The following ZNF385D variants were observed in gnomAD, a reference collection of about 807,000 sequenced individuals.
The protein encoded by ZNF385D is zinc finger protein 659.
A neutral mutation model predicts 35.8 loss-of-function variants in ZNF385D; 15 were observed. The observed-to-expected ratio is 0.42, with a 90% CI of 0.28 to 0.64. The LOEUF is 0.64. Among genes scored for constraint, ZNF385D ranks in the 30% least tolerant of loss-of-function variants. The pLI is 0.23. For synonymous variants in ZNF385D, 212 were observed against 186.8 expected (o/e 1.13, Z -1.10); for missense variants, 474 against 494.6 (o/e 0.96, Z 0.39).
intron 3 of ZNF385D, chr3:21,978,234 G>C (rs1288277029): frequency 6.6e-6 from 1 of 152,204 alleles, no homozygotes; most frequent in African/African-American, 2.4e-5. Context: ...CTTGAGAGCA[G>C]TGTCTGTTTC....
chr3:22,274,566 A>T (rs192168355), intron 2 of ZNF385D, among the ~76,000 whole-genome samples: 496 of 152,126 alleles, frequency 3.3e-3, no homozygotes, highest in Non-Finnish European at 5.7e-3. Flanking sequence ...AAGGTTGCCC[A>T]AGAGTCCATT....
chr3:21,477,879 A>G (rs751771278), intron 4 of ZNF385D, among the ~76,000 whole-genome samples: 3 of 152,156 alleles, frequency 2.0e-5, no homozygotes, highest in Non-Finnish European at 4.4e-5. Flanking sequence ...TTTCTGCCCT[A>G]TTTGTTATCA....
At chr3:21,564,972 A>C (rs566074898) in intron 2 of ZNF385D, among the ~76,000 whole-genome samples, 122 of 152,326 alleles carry the variant, frequency 8.0e-4, no homozygotes, top group African/African-American at 2.9e-3. Flanking sequence ...TAACCCTTAA[A>C]TATAATTAAA....
At chr3:22,086,091 A>G (rs1701024406) in intron 3 of ZNF385D, among the ~76,000 whole-genome samples, 1 of 152,212 alleles carries the variant, frequency 6.6e-6, no homozygotes, top group South Asian at 2.1e-4. Context: ...TCCATAGCCC[A>G]TATCATACTG....
chr3:21,654,930 G>A (rs377219955), intron 2 of ZNF385D, among the ~76,000 whole-genome samples: 3 of 151,950 alleles, frequency 2.0e-5, no homozygotes, highest in South Asian at 2.1e-4. Context: ...TTACATTTAC[G>A]TTGGTGGGAG....
chr3:21,764,444 A>T (rs1213902482), intron 3 of ZNF385D, among the ~76,000 whole-genome samples: 1 of 152,218 alleles, frequency 6.6e-6, no homozygotes, highest in African/African-American at 2.4e-5. Flanking sequence ...TCGTATAACC[A>T]GGTGATTTTC....
chr3:21,888,615 A>G (rs986179193), intron 3 of ZNF385D, among the ~76,000 whole-genome samples: 10 of 152,210 alleles, frequency 6.6e-5, no homozygotes, highest in African/African-American at 2.2e-4. Flanking sequence ...AAATGGAAAC[A>G]GCAGGTCTAG....
chr3:22,312,911 C>T (rs200200143), intron 2 of ZNF385D, among the ~76,000 whole-genome samples: 1 of 123,176 alleles, frequency 8.1e-6, no homozygotes, highest in Non-Finnish European at 1.7e-5. Context: ...GGTATATACC[C>T]AAAGGACTAT....
chr3:22,247,394 A>T (rs1158070525), intron 2 of ZNF385D, among the ~76,000 whole-genome samples: 1 of 152,050 alleles, frequency 6.6e-6, no homozygotes, highest in Non-Finnish European at 1.5e-5. Context: ...TACTATGTGA[A>T]AAATTGATGC....
chr3:21,702,867 C>T (rs1180186493), intron 1 of ZNF385D, among the ~76,000 whole-genome samples: 6 of 152,190 alleles, frequency 3.9e-5, no homozygotes, highest in African/African-American at 1.4e-4. Flanking sequence ...CCATCTGAGA[C>T]CACCTCAACC....
chr3:21,489,219 A>C (rs994446237), intron 4 of ZNF385D, among the ~76,000 whole-genome samples: 8 of 152,044 alleles, frequency 5.3e-5, no homozygotes, highest in Admixed American at 3.9e-4. Flanking sequence ...GCAAAGTTAG[A>C]GTCTACACGG....
chr3:22,316,482 C>CA (rs1402627699), intron 2 of ZNF385D, among the ~76,000 whole-genome samples: 5 of 151,990 alleles, frequency 3.3e-5, no homozygotes, highest in Non-Finnish European at 7.4e-5. Context: ...ACAGTTGAGA[C>CA]AAAAAAGGTA....
chr3:21,436,137 G>A (rs1053309382), intron 5 of ZNF385D, among the ~76,000 whole-genome samples: 4 of 152,072 alleles, frequency 2.6e-5, no homozygotes, highest in African/African-American at 4.8e-5. Flanking sequence ...CATTGTTTGC[G>A]AGACTGTGTG....
upstream of ZNF385D, among the ~76,000 whole-genome samples, chr3:21,753,111 C>T (rs1575591708): frequency 6.6e-6 from 1 of 152,116 alleles, no homozygotes; most frequent in African/African-American, 2.4e-5. Flanking sequence ...TGACATTTTA[C>T]AGTTAAAAGG....
At chr3:21,479,233 C>G (rs1704445912) in intron 4 of ZNF385D, among the ~76,000 whole-genome samples, 2 of 151,192 alleles carry the variant, frequency 1.3e-5, no homozygotes, top group African/African-American at 4.9e-5. Context: ...AAATGCATAT[C>G]TTTCCGTGTA....
intron 1 of ZNF385D, among the ~76,000 whole-genome samples, chr3:21,675,627 A>G (rs190406621): frequency 2.1e-4 from 32 of 152,238 alleles, no homozygotes; most frequent in Admixed American, 1.8e-3. Flanking sequence ...GCTAGTTTCA[A>G]TTAAACTTTG....
intron 3 of ZNF385D, among the ~76,000 whole-genome samples, chr3:21,995,807 G>A (rs936798703): frequency 3.9e-5 from 6 of 151,994 alleles, no homozygotes; most frequent in Admixed American, 3.9e-4. Flanking sequence ...AGTTGGTAGG[G>A]AGAGTTTGCT....
At chr3:22,129,493 T>G (rs116134930) in intron 3 of ZNF385D, among the ~76,000 whole-genome samples, 13 of 151,942 alleles carry the variant, frequency 8.6e-5, no homozygotes, top group Admixed American at 2.0e-4. Flanking sequence ...ACTTTAGGAA[T>G]TGGCTTGGTG....
chr3:21,602,379 T>C (rs2064321908), intron 2 of ZNF385D, among the ~76,000 whole-genome samples: 1 of 151,976 alleles, frequency 6.6e-6, no homozygotes, highest in Admixed American at 6.6e-5. Flanking sequence ...AGCGTGCAAA[T>C]ATTGATGAAA....
Sources: allele counts gnomAD v4.1 joint callset (sites outside exome capture counted in the v4.1 genomes callset), GRCh38; gene constraint gnomAD v4.1.1; transcripts MANE v1.5; gene names NCBI Gene and HGNC (gene_info 2026-07-23, HGNC 2026-07-21).